SMR3B: variants seen among roughly 807,000 people sequenced by gnomAD.
SMR3B encodes submaxillary gland androgen regulated protein 3B.
For missense variants in SMR3B, 114 were observed against 99.9 expected (o/e 1.14, Z -0.60); for synonymous variants, 42 against 36.1 (o/e 1.16, Z -0.59).
chr4:70,389,344 T>A (rs1418890286), intron 2 of SMR3B, among the ~76,000 whole-genome samples: 1 of 152,136 alleles, frequency 6.6e-6, no homozygotes, highest in Non-Finnish European at 1.5e-5. Flanking sequence ...CCCTGCTGCT[T>A]ACGAGCCAGG....
At position 70,389,806 on chromosome 4, in the gene SMR3B, C is replaced by G. The variant is rs771473935; in HGVS notation, c.198C>G (p.Pro66=). Residue 66 remains proline (P), a synonymous_variant, in exon 3 of 3, where the codon CCC becomes CCG. Transcript: ENST00000304915. ...GAATCCCACCTCCTCCTCCCGCACC[C>G]TATGGTCCAGGGATATTTCCACCAC... ...PGRIPPPPPA[P]YGPGIFPPPP... 11 of 1,613,758 alleles carry G rather than the reference C, an allele frequency of 6.8e-6. No individual in the cohort carries two copies. The South Asian group carries it at 1.2e-4, about 18-fold the overall frequency.
At chr4:70,386,725 G>C (rs958045064) in intron 2 of SMR3B, among the ~76,000 whole-genome samples, 1 of 152,178 alleles carries the variant, frequency 6.6e-6, no homozygotes, top group Non-Finnish European at 1.5e-5. Flanking sequence ...TTAATATTAA[G>C]ATCAACATCA....
chr4:70,385,505 G>T (rs750093098), intron 2 of SMR3B, among the ~76,000 whole-genome samples: 3 of 145,936 alleles, frequency 2.1e-5, no homozygotes, highest in Non-Finnish European at 4.5e-5. Flanking sequence ...CCGGGTTCGC[G>T]CCATTCTCCT....
intron 1 of SMR3B, among the ~76,000 whole-genome samples, chr4:70,384,231 A>G (rs1267025314): frequency 6.6e-6 from 1 of 152,088 alleles, no homozygotes; most frequent in Non-Finnish European, 1.5e-5. Context: ...TGCTCAGAGC[A>G]ATGTATGAAC....
intron 2 of SMR3B, among the ~76,000 whole-genome samples, chr4:70,385,883 T>C (rs987707540): frequency 1.7e-4 from 26 of 152,254 alleles, no homozygotes; most frequent in African/African-American, 5.5e-4. Flanking sequence ...ATTTTCAATA[T>C]TTTTATTCCC....
At chr4:70,385,398 G>GTT (rs71210170) in intron 2 of SMR3B, among the ~76,000 whole-genome samples, 23 of 107,040 alleles carry the variant, frequency 2.1e-4, no homozygotes, top group African/African-American at 4.9e-4. Context: ...CATCTACTTT[G>GTT]TTTTTTTTTT....
intron 2 of SMR3B, among the ~76,000 whole-genome samples, chr4:70,386,829 T>C (rs1732674904): frequency 6.6e-6 from 1 of 152,196 alleles, no homozygotes; most frequent in Admixed American, 6.5e-5. Flanking sequence ...TAAGGATTTG[T>C]TTTCTTGACA....
chr4:70,387,855 T>A (rs1469395983), intron 2 of SMR3B, among the ~76,000 whole-genome samples: 1 of 152,216 alleles, frequency 6.6e-6, no homozygotes, highest in Non-Finnish European at 1.5e-5. Flanking sequence ...TGAAGGACGC[T>A]AACTTTCTGA....
chr4:70,387,082 T>C (rs538663443), intron 2 of SMR3B, among the ~76,000 whole-genome samples: 17 of 152,172 alleles, frequency 1.1e-4, no homozygotes, highest in African/African-American at 3.9e-4. Context: ...AGAAGTGGAG[T>C]TGGCAAATCT....
intron 2 of SMR3B, chr4:70,384,886 T>C (rs1732632279): frequency 4.6e-6 from 1 of 217,298 alleles, no homozygotes. Context: ...ATAAAACCGT[T>C]TTCCCAGCAT....
rs1732675488 is a variant in SMR3B at position 70,386,871 on chromosome 4, C to A, written c.54+2307C>A. Among the ~76,000 whole-genome samples the A allele has an allele frequency of 2.0e-5, 3 of 152,320 alleles. No individual in the cohort carries two copies. The South Asian group carries it at 6.2e-4, about 32-fold the overall frequency. On this transcript the variant is annotated intron_variant, in intron 2 of 2. Transcript: ENST00000304915. Reference sequence around the variant, plus strand: ...AATCAAGTCCTGAACTTCCATACATCCTGACTAGTCTTTGGCTTGGCAGCA... The same window carrying A: ...AATCAAGTCCTGAACTTCCATACATACTGACTAGTCTTTGGCTTGGCAGCA...
chr4:70,385,625 C>T (rs930698698), intron 2 of SMR3B, among the ~76,000 whole-genome samples: 16 of 149,540 alleles, frequency 1.1e-4, no homozygotes, highest in Non-Finnish European at 1.5e-4. Context: ...AGGATGGTCT[C>T]GATCTCCTGA....
At chr4:70,386,312 G>A (rs901555513) in intron 2 of SMR3B, among the ~76,000 whole-genome samples, 1 of 150,722 alleles carries the variant, frequency 6.6e-6, no homozygotes, top group African/African-American at 2.4e-5. Flanking sequence ...ATAGTTTTCT[G>A]ATAACATAAG....
Position 70,389,744 on chromosome 4 carries a change from G to T in SMR3B, c.136G>T (p.Val46Phe), listed in dbSNP as rs767244079. ...TCCTCAACCTTTTGGCCCAGGATTT[G>T]TTCCACCACCTCCTCCTCCACCCTA... is the stretch of plus-strand genomic sequence containing the variant. ...APPQPFGPGF[V>F]PPPPPPPYGP... Residue 46 changes from valine to phenylalanine, a missense_variant, in exon 3 of 3, where the codon GTT (valine) becomes TTT (phenylalanine). Physicochemically the swap from Val to Phe is conservative, Grantham distance 50. Coordinates refer to ENST00000304915, the MANE Select transcript of SMR3B (RefSeq NM_006685.4). The T allele has an allele frequency of 2.5e-6, 4 of 1,613,966 alleles. No homozygotes were observed. The highest frequency in any genetic ancestry group is 1.7e-4 in the Middle Eastern group (1 of 6,060).
At chr4:70,385,029 G>T in intron 2 of SMR3B, 1 of 152,930 alleles carries the variant, frequency 6.5e-6, no homozygotes. Context: ...GGATCTACAA[G>T]TATCTTTGCA....
In SMR3B at chr4:70,389,991, C is replaced by T. The variant is rs774344014; in HGVS notation, c.*143C>T. On this transcript the variant is annotated 3_prime_UTR_variant, in exon 3 of 3. Transcript: ENST00000304915. Reference sequence around the variant, plus strand: ...ACTCCTGCACCCCAAATATGAACAACTGCAGCAGGTGCCACCACCACCACA... The same window carrying T: ...ACTCCTGCACCCCAAATATGAACAATTGCAGCAGGTGCCACCACCACCACA... 7 of 1,511,562 alleles carry T rather than the reference C, an allele frequency of 4.6e-6. No individual in the cohort carries two copies. Among genetic ancestry groups the T allele is most frequent in the Non-Finnish European group, 6.4e-6 (7 of 1,087,404 alleles). 93.6% of individuals were successfully genotyped at this position (1,511,562 alleles called of 1,614,324 possible). A position where few individuals can be genotyped will look rare whatever the true frequency, so the allele number is the denominator to read the frequency against.
rs139047464 is a variant in SMR3B at position 70,385,260 on chromosome 4, A to T, written c.54+696A>T. ...TATTAATTCCAGAGTAATTTCCACCAAAGTACTATAAAATCTATATCAAAT... is the reference window on the plus strand; with the variant it reads ...TATTAATTCCAGAGTAATTTCCACCTAAGTACTATAAAATCTATATCAAAT... On this transcript the variant is annotated intron_variant, in intron 2 of 2. Transcript: ENST00000304915. 3.4e-3 allele frequency among the ~76,000 whole-genome samples: 525 copies of T among 152,318 alleles called. 4 individuals are homozygous for T. Among genetic ancestry groups the T allele is most frequent in the South Asian group, 0.014 (69 of 4,830 alleles).
intron 2 of SMR3B, among the ~76,000 whole-genome samples, chr4:70,386,859 A>C (rs1228874611): frequency 3.9e-5 from 6 of 152,216 alleles, no homozygotes; most frequent in Non-Finnish European, 1.5e-5. Flanking sequence ...CAAGTCCTGA[A>C]CTTCCATACA....
In SMR3B at chr4:70,388,332, T is replaced by C. The variant is rs572442391; in HGVS notation, c.55-1331T>C. Among the ~76,000 whole-genome samples the C allele has an allele frequency of 2.6e-5, 4 of 152,250 alleles. No homozygotes were observed. The South Asian group carries it at 8.3e-4, about 32-fold the overall frequency. On this transcript the variant is annotated intron_variant, in intron 2 of 2. Transcript: ENST00000304915. Reference sequence around the variant, plus strand: ...TTTGCTACATTGTCCAAGTTGGCCTTGAACTGCTGGCCTCAAGCAATCCAC... The same window carrying C: ...TTTGCTACATTGTCCAAGTTGGCCTCGAACTGCTGGCCTCAAGCAATCCAC...
Sources: allele counts gnomAD v4.1 joint callset (sites outside exome capture counted in the v4.1 genomes callset), GRCh38; gene constraint gnomAD v4.1.1; transcripts MANE v1.5; gene names NCBI Gene and HGNC (gene_info 2026-07-23, HGNC 2026-07-21).